The following CCDC85C variants were observed in gnomAD, a reference collection of about 807,000 sequenced individuals.
The protein encoded by CCDC85C is coiled-coil domain containing 85C, also known as coiled-coil domain-containing protein 85C.
In CCDC85C, 18 loss-of-function variants were observed where a neutral mutation model predicts 38.3. The ratio of observed to expected loss-of-function variants is 0.47; its 90% confidence interval spans 0.33 to 0.70. CCDC85C has a LOEUF of 0.70. CCDC85C is among the 30% of genes least tolerant of loss of function. The pLI is 0.03. For missense variants in CCDC85C, 566 were observed against 621.2 expected, an observed-to-expected ratio of 0.91 and a Z score of 0.94; for synonymous variants, 264 against 293.8, an observed-to-expected ratio of 0.90 and a Z score of 1.04.
rs1897856577 is a variant in CCDC85C at position 99,548,999 on chromosome 14, G to A, written c.794-12911C>T. Among the ~76,000 whole-genome samples the A allele has an allele frequency of 6.6e-6, 1 of 152,152 alleles. No homozygotes were observed. Among genetic ancestry groups the A allele is most frequent in the African/African-American group, 2.4e-5 (1 of 41,430 alleles). On this transcript the variant is annotated intron_variant, in intron 1 of 5. Coordinates refer to ENST00000380243, the MANE Select transcript of CCDC85C (RefSeq NM_001144995.2). This position sits in a 1 kb window ranked among gnomAD's most constrained non-coding sequence, Gnocchi z 4.9. ...TTTTTAAAAACTGCACGAGAATGCT[G>A]AGCTCCGATTCTGGGCCTCAGCTCT...
intron 1 of CCDC85C, among the ~76,000 whole-genome samples, chr14:99,552,719 A>G (rs913477614): frequency 1.3e-5 from 2 of 152,356 alleles, no homozygotes; most frequent in South Asian, 4.1e-4. Flanking sequence ...CCAATGACCC[A>G]TAGGCCAGGC....
chr14:99,541,224 C>A (rs1897706196), intron 1 of CCDC85C, among the ~76,000 whole-genome samples: 1 of 152,224 alleles, frequency 6.6e-6, no homozygotes, highest in South Asian at 2.1e-4. Flanking sequence ...CTGGCTCCGT[C>A]CCACCATCTC....
At chr14:99,540,717 G>A (rs1412275944) in intron 1 of CCDC85C, among the ~76,000 whole-genome samples, 1 of 152,184 alleles carries the variant, frequency 6.6e-6, no homozygotes, top group Non-Finnish European at 1.5e-5. Context: ...CCGGGGAGGA[G>A]GGTGTCTCCC....
intron 2 of CCDC85C, among the ~76,000 whole-genome samples, chr14:99,525,942 C>T (rs1897376688): frequency 6.6e-6 from 1 of 152,252 alleles, no homozygotes; most frequent in Admixed American, 6.5e-5. Context: ...GGGCCCTTGG[C>T]ACCGTGTGGC....
intron 2 of CCDC85C, 154 bp from the exon 3 acceptor site, chr14:99,522,394 G>C: frequency 7.1e-6 from 4 of 563,266 alleles, no homozygotes; most frequent in South Asian, 4.5e-5. Context: ...TCCATCCCCC[G>C]AGCCGGGATC....
rs575357836 is a variant in CCDC85C, at chr14:99,581,860, A to C, written c.793+21307T>G. 3.3e-5 allele frequency among the ~76,000 whole-genome samples: 5 copies of C among 152,308 alleles called. No homozygotes were observed. The South Asian group carries it at 6.2e-4, about 19-fold the overall frequency. ...CTGGTCAGAAAGGTCGTTCCATCTT[A>C]ACAACTAAAACCTGCGTCTTCCCAT... is the stretch of plus-strand genomic sequence containing the variant. On this transcript the variant is annotated intron_variant, in intron 1 of 5. Coordinates refer to ENST00000380243, the MANE Select transcript of CCDC85C (RefSeq NM_001144995.2).
Position 99,515,052 on chromosome 14 carries a change from T to TGAGGCGGGAG in CCDC85C, c.*184_*193dup, listed in dbSNP as rs1897199420. 8 of 535,558 alleles carry TGAGGCGGGAG rather than the reference T, an allele frequency of 1.5e-5. No homozygotes were observed. The highest frequency in any genetic ancestry group is 2.3e-5 in the Non-Finnish European group (7 of 298,564). The allele number at this position is 535,558 out of a possible 1,614,324, so 33.2% of individuals were successfully genotyped here. A position where few individuals can be genotyped will look rare whatever the true frequency, so the allele number is the denominator to read the frequency against. ...CTCGTCTTCCCAGGTTGCTGGTGTATGAGGCGGGAGATGGCGGCTTGGGCC... is the reference window on the plus strand; with the variant it reads ...CTCGTCTTCCCAGGTTGCTGGTGTATGAGGCGGGAGGAGGCGGGAGATGGCGGCTTGGGCC... On this transcript the variant is annotated 3_prime_UTR_variant, in exon 6 of 6. Coordinates refer to ENST00000380243, the MANE Select transcript of CCDC85C (RefSeq NM_001144995.2).
Position 99,501,836 on chromosome 14 carries a change from C to A in CCDC85C, c.*13410G>T. 4.3e-6 allele frequency: 1 copy of A among 231,478 alleles called. No individual in the cohort carries two copies. Among genetic ancestry groups the A allele is most frequent in the Non-Finnish European group, 8.3e-6 (1 of 119,808 alleles). 14.3% of individuals were successfully genotyped at this position (231,478 alleles called of 1,614,324 possible). A position where few individuals can be genotyped will look rare whatever the true frequency, so the allele number is the denominator to read the frequency against. On this transcript the variant is annotated 3_prime_UTR_variant, in exon 6 of 6. Coordinates refer to ENST00000380243, the MANE Select transcript of CCDC85C (RefSeq NM_001144995.2). ...CTGTGAATGGAGTTGCTGCCAGCCC[C>A]ATCCCACTGCAGTCAGTGAAGCTTC...
rs1998050 is a variant in CCDC85C, at chr14:99,513,750, C to G, written c.*1496G>C. 38,066 of 152,162 alleles carry G rather than the reference C, an allele frequency of 0.25. 5,658 individuals are homozygous for G. The highest frequency in any genetic ancestry group is 0.34 in the Non-Finnish European group (23,258 of 67,996). The allele number at this position is 152,162 out of a possible 1,614,324, so 9.4% of individuals were successfully genotyped here. A position where few individuals can be genotyped will look rare whatever the true frequency, so the allele number is the denominator to read the frequency against. ...GAAGAGCACAGGAGTCTGACGAGGACCTGGTGAGGTCCTGGACCCAAGAGC... is the reference window on the plus strand; with the variant it reads ...GAAGAGCACAGGAGTCTGACGAGGAGCTGGTGAGGTCCTGGACCCAAGAGC... On this transcript the variant is annotated 3_prime_UTR_variant, in exon 6 of 6. Transcript: ENST00000380243.
intron 1 of CCDC85C, among the ~76,000 whole-genome samples, chr14:99,553,561 C>T (rs1250667295): frequency 6.6e-6 from 1 of 152,192 alleles, no homozygotes; most frequent in Non-Finnish European, 1.5e-5. Flanking sequence ...GACGGGGTTT[C>T]ACCATACTGG....
intron 1 of CCDC85C, among the ~76,000 whole-genome samples, chr14:99,575,084 C>A (rs1386568515): frequency 1.3e-5 from 2 of 152,196 alleles, no homozygotes; most frequent in Non-Finnish European, 2.9e-5. Context: ...GGGGCTTGGT[C>A]CCAGCCTCCA....
chr14:99,603,439 G>GCGCCGCCCCCGC lies in CCDC85C; in HGVS notation c.509_520dup (p.Gly170_Gly173dup), dbSNP rs2055230831. ...GCTGTCGATGGAGCTGCGGGAGCCG[G>GCGCCGCCCCCGC]CGCCGCCCCCGCCGCCGCCGCCACC... On this transcript the variant is annotated inframe_insertion, in exon 1 of 6. Coordinates refer to ENST00000380243, the MANE Select transcript of CCDC85C (RefSeq NM_001144995.2). The surrounding 1 kb of genome is among the most constrained non-coding windows in gnomAD (Gnocchi z 7.5). The GCGCCGCCCCCGC allele has an allele frequency of 1.6e-6, 2 of 1,269,156 alleles. No homozygotes were observed. The highest frequency in any genetic ancestry group is 2.0e-6 in the Non-Finnish European group (2 of 1,011,324). 78.6% of individuals were successfully genotyped at this position (1,269,156 alleles called of 1,614,324 possible).
chr14:99,545,321 G>A lies in CCDC85C; in HGVS notation c.794-9233C>T, dbSNP rs76623844. 0.019 allele frequency among the ~76,000 whole-genome samples: 2,915 copies of A among 152,196 alleles called. 98 individuals are homozygous for A. The highest frequency in any genetic ancestry group is 0.066 in the African/African-American group (2,756 of 41,506). ...CCCAATGACACTGCAATGTGGAGGG[G>A]GCAGCTGAATGGAAAGCCCCGCTCC... On this transcript the variant is annotated intron_variant, in intron 1 of 5. Transcript: ENST00000380243. This position sits in a 1 kb window ranked among gnomAD's most constrained non-coding sequence, Gnocchi z 4.7.
chr14:99,500,846 A>G lies in CCDC85C; in HGVS notation c.*14400T>C, dbSNP rs1896805331. ...AGGTAGAACATCCATACCAGTTCCT[A>G]CTAAAATATGCAAAGCAACTCAAAG... On this transcript the variant is annotated 3_prime_UTR_variant, in exon 6 of 6. Transcript: ENST00000380243. 4 of 1,553,250 alleles carry G rather than the reference A, an allele frequency of 2.6e-6. No homozygotes were observed. The highest frequency in any genetic ancestry group is 1.2e-5 in the South Asian group (1 of 82,670).
In CCDC85C at chr14:99,594,521, G is replaced by A. The variant is rs748085284; in HGVS notation, c.793+8646C>T. ...CTGCCCCAAGGCAAGGACCAACCAC[G>A]AGGCAGGTGATAAAACCCAGGCTGT... On this transcript the variant is annotated intron_variant, in intron 1 of 5. Transcript: ENST00000380243. 7.9e-5 allele frequency among the ~76,000 whole-genome samples: 12 copies of A among 152,228 alleles called. No homozygotes were observed. The East Asian group carries it at 1.2e-3, about 15-fold the overall frequency.
chr14:99,527,830 C>T (rs1045961897), intron 2 of CCDC85C, among the ~76,000 whole-genome samples: 8 of 152,170 alleles, frequency 5.3e-5, no homozygotes, highest in Admixed American at 1.3e-4. Context: ...CTTCTCCCTC[C>T]GTGCACTGCA....
At chr14:99,529,454 GTGCAGTGC>G (rs1897451408) in intron 2 of CCDC85C, among the ~76,000 whole-genome samples, 9 of 152,184 alleles carry the variant, frequency 5.9e-5, no homozygotes, top group Admixed American at 3.3e-4. Flanking sequence ...CCAGGCTGGA[GTGCAGTGC>G]TGCAATCTCG....
At chr14:99,589,525 CT>C (rs1470707181) in intron 1 of CCDC85C, among the ~76,000 whole-genome samples, 1 of 152,212 alleles carries the variant, frequency 6.6e-6, no homozygotes, top group African/African-American at 2.4e-5. Flanking sequence ...ACCAACTCTC[CT>C]ACCTGGATTC....
chr14:99,584,485 C>G (rs543866088), intron 1 of CCDC85C, among the ~76,000 whole-genome samples: 2 of 152,234 alleles, frequency 1.3e-5, no homozygotes, highest in East Asian at 1.9e-4. Flanking sequence ...ACCACACGCT[C>G]CCCCTTGCAC....
Sources: allele counts gnomAD v4.1 joint callset (sites outside exome capture counted in the v4.1 genomes callset), GRCh38; gene constraint gnomAD v4.1.1; non-coding constraint Gnocchi (gnomAD v3.1); transcripts MANE v1.5; gene names NCBI Gene and HGNC (gene_info 2026-07-23, HGNC 2026-07-21).